The following DOCK3 variants were observed in gnomAD, a reference collection of about 807,000 sequenced individuals.
The protein encoded by DOCK3 is dedicator of cytokinesis protein 3.
DOCK3 carries 60 observed loss-of-function variants against 265.6 expected under a neutral mutation model. That is an observed-to-expected ratio of 0.23 (90% CI 0.18 to 0.28). DOCK3 has a LOEUF of 0.28. DOCK3 is among the 10% of genes least tolerant of loss of function. DOCK3 has a pLI of 1.00. For synonymous variants in DOCK3, 881 were observed against 938.0 expected (o/e 0.94, Z 1.11); for missense variants, 1,981 against 2,594.3 (o/e 0.76, Z 5.14).
intron 9 of DOCK3, among the ~76,000 whole-genome samples, chr3:51,131,314 T>C (rs1300322368): frequency 6.6e-6 from 1 of 152,110 alleles, no homozygotes; most frequent in Non-Finnish European, 1.5e-5. Context: ...CCACATCAGC[T>C]CAGAGCCAGT....
intron 10 of DOCK3, among the ~76,000 whole-genome samples, chr3:51,151,898 C>T (rs887790048): frequency 1.3e-5 from 2 of 152,164 alleles, no homozygotes; most frequent in African/African-American, 4.8e-5. Context: ...TTGTGGGTAA[C>T]CTGACTTTTC....
chr3:51,165,885 A>C (rs888362967), intron 12 of DOCK3, among the ~76,000 whole-genome samples: 1 of 151,768 alleles, frequency 6.6e-6, no homozygotes, highest in African/African-American at 2.4e-5. Context: ...TATTTATCTC[A>C]GTGGCCATCT....
intron 49 of DOCK3, among the ~76,000 whole-genome samples, chr3:51,365,248 A>G (rs957952330): frequency 6.6e-6 from 1 of 152,176 alleles, no homozygotes; most frequent in African/African-American, 2.4e-5. Context: ...CTTTGAAGCA[A>G]TCGTGAATGG....
At chr3:51,187,203 G>A (rs1328165597) in intron 12 of DOCK3, among the ~76,000 whole-genome samples, 1 of 152,236 alleles carries the variant, frequency 6.6e-6, no homozygotes, top group East Asian at 1.9e-4. Flanking sequence ...TCTTGCATCA[G>A]CGTGACCTGG....
chr3:50,750,101 T>C (rs538289449), intron 1 of DOCK3, among the ~76,000 whole-genome samples: 54 of 152,278 alleles, frequency 3.5e-4, no homozygotes, highest in Non-Finnish European at 6.5e-4. Context: ...CTTATAGGAA[T>C]GCAAACCCTA....
chr3:51,074,766 A>G (rs572732631), intron 6 of DOCK3, among the ~76,000 whole-genome samples: 63 of 152,232 alleles, frequency 4.1e-4, no homozygotes, highest in Non-Finnish European at 5.9e-4. Flanking sequence ...GGTGCAGCAA[A>G]CCACCATGGC....
intron 9 of DOCK3, among the ~76,000 whole-genome samples, chr3:51,132,882 C>T (rs1049386593): frequency 2.6e-5 from 4 of 152,146 alleles, no homozygotes; most frequent in African/African-American, 9.6e-5. Context: ...AACACCGTCC[C>T]CATCCCCAGT....
intron 5 of DOCK3, among the ~76,000 whole-genome samples, chr3:50,970,807 G>C (rs1388636633): frequency 7.3e-6 from 1 of 137,890 alleles, no homozygotes; most frequent in Non-Finnish European, 1.5e-5. Context: ...GCTCACTGCA[G>C]CCATGAACTC....
At chr3:51,139,292 C>T (rs1294645767) in intron 9 of DOCK3, among the ~76,000 whole-genome samples, 1 of 151,926 alleles carries the variant, frequency 6.6e-6, no homozygotes, top group Admixed American at 6.6e-5. Context: ...GCTGTGTACC[C>T]AAGAAGAAAC....
chr3:51,192,424 C>T (rs1156488700), intron 12 of DOCK3, among the ~76,000 whole-genome samples: 1 of 151,558 alleles, frequency 6.6e-6, no homozygotes, highest in East Asian at 2.0e-4. Context: ...GGTCAATATC[C>T]CTGATAAACA....
intron 9 of DOCK3, among the ~76,000 whole-genome samples, chr3:51,098,340 C>G (rs1463303312): frequency 5.3e-5 from 8 of 152,216 alleles, no homozygotes; most frequent in Admixed American, 5.2e-4. Context: ...CAGGTGTGAG[C>G]CACTGTGCCT....
chr3:50,752,697 G>A (rs903192067), intron 1 of DOCK3, among the ~76,000 whole-genome samples: 1 of 152,048 alleles, frequency 6.6e-6, no homozygotes, highest in African/African-American at 2.4e-5. Context: ...AGAATCATTT[G>A]AACCCAGGAG....
At chr3:50,849,417 T>G (rs542031208) in intron 3 of DOCK3, among the ~76,000 whole-genome samples, 1 of 151,556 alleles carries the variant, frequency 6.6e-6, no homozygotes, top group Non-Finnish European at 1.5e-5. Context: ...CACACACACA[T>G]ATATATATGG....
At chr3:51,248,289 AAG>A (rs2078933434) in intron 22 of DOCK3, among the ~76,000 whole-genome samples, 1 of 152,236 alleles carries the variant, frequency 6.6e-6, no homozygotes, top group Non-Finnish European at 1.5e-5. Flanking sequence ...TAAAAAGAAA[AAG>A]AGCTGATTCT....
chr3:51,142,836 G>A (rs891404814), intron 9 of DOCK3, among the ~76,000 whole-genome samples: 1 of 151,964 alleles, frequency 6.6e-6, no homozygotes, highest in Non-Finnish European at 1.5e-5. Flanking sequence ...AACAGTTTAT[G>A]AGAGATTTAG....
intron 5 of DOCK3, among the ~76,000 whole-genome samples, chr3:50,952,126 T>C (rs2076606890): frequency 6.6e-6 from 1 of 152,210 alleles, no homozygotes; most frequent in African/African-American, 2.4e-5. Flanking sequence ...GAGCAAATTA[T>C]ACCCAAGGAC....
intron 4 of DOCK3, among the ~76,000 whole-genome samples, chr3:50,893,054 G>A (rs1013423632): frequency 4.6e-5 from 7 of 152,034 alleles, no homozygotes; most frequent in African/African-American, 1.4e-4. Context: ...AATGAAGTGC[G>A]TACATTCATA....
At position 51,032,933 on chromosome 3, in the gene DOCK3, A is replaced by G. The variant is rs9846949; in HGVS notation, c.316-31515A>G. Among the ~76,000 whole-genome samples the G allele has an allele frequency of 2.7e-3, 414 of 152,156 alleles. 1 individual carries two copies. The highest frequency in any genetic ancestry group is 9.5e-3 in the African/African-American group (396 of 41,512). Reference sequence around the variant, plus strand: ...TCTCAAAAATAAAATAAAAATATAAACTTTACTTCTCAAAATAAGCTCCAT... The same window carrying G: ...TCTCAAAAATAAAATAAAAATATAAGCTTTACTTCTCAAAATAAGCTCCAT... On this transcript the variant is annotated intron_variant, in intron 5 of 52. Transcript: ENST00000266037.
At chr3:51,296,910 G>A (rs920314415) in intron 27 of DOCK3, among the ~76,000 whole-genome samples, 1 of 151,844 alleles carries the variant, frequency 6.6e-6, no homozygotes, top group Non-Finnish European at 1.5e-5. Context: ...CCTGAGGTCA[G>A]GAGTTCGAGA....
Sources: allele counts gnomAD v4.1 joint callset (sites outside exome capture counted in the v4.1 genomes callset), GRCh38; gene constraint gnomAD v4.1.1; transcripts MANE v1.5; gene names NCBI Gene and HGNC (gene_info 2026-07-23, HGNC 2026-07-21).